PALM2AKAP2: variants seen among roughly 807,000 people sequenced by gnomAD.
PALM2AKAP2 encodes the protein PALM2 and AKAP2 fusion, also known as PALM2-AKAP2 fusion protein.
A neutral mutation model predicts 71.5 loss-of-function variants in PALM2AKAP2; 37 were observed. That is an observed-to-expected ratio of 0.52 (90% CI 0.40 to 0.68). The LOEUF is 0.68. Among genes scored for constraint, PALM2AKAP2 ranks in the 30% least tolerant of loss-of-function variants. The pLI, the probability that PALM2AKAP2 is intolerant of heterozygous loss-of-function variation, is 0.00. For missense variants in PALM2AKAP2, 1,224 were observed against 1,191.8 expected, an observed-to-expected ratio of 1.03 and a Z score of -0.40; for synonymous variants, 468 against 478.8, an observed-to-expected ratio of 0.98 and a Z score of 0.29.
At chr9:110,087,550 T>A (rs1188859949) in intron 1 of PALM2AKAP2, among the ~76,000 whole-genome samples, 8 of 152,192 alleles carry the variant, frequency 5.3e-5, no homozygotes, top group Admixed American at 5.2e-4. Flanking sequence ...CTTCAGTTCC[T>A]TGTCATTTGA....
At chr9:109,705,756 T>A (rs941369681) in intron 1 of PALM2AKAP2, among the ~76,000 whole-genome samples, 1 of 152,210 alleles carries the variant, frequency 6.6e-6, no homozygotes, top group Non-Finnish European at 1.5e-5. Flanking sequence ...GAATCCAGCC[T>A]CTGCCACTTA....
chr9:109,843,603 A>G (rs1039380266), intron 1 of PALM2AKAP2, among the ~76,000 whole-genome samples: 4 of 152,202 alleles, frequency 2.6e-5, no homozygotes, highest in Non-Finnish European at 5.9e-5. Flanking sequence ...CACTCTGCAT[A>G]ATAAATGTGC....
intron 1 of PALM2AKAP2, among the ~76,000 whole-genome samples, chr9:109,684,580 T>C (rs2118527729): frequency 6.6e-6 from 1 of 152,344 alleles, no homozygotes; most frequent in East Asian, 1.9e-4. Flanking sequence ...ACAGCCAATA[T>C]GTTAGTAAAA....
chr9:109,815,313 T>C (rs2131461708), intron 1 of PALM2AKAP2, among the ~76,000 whole-genome samples: 1 of 152,296 alleles, frequency 6.6e-6, no homozygotes, highest in Middle Eastern at 3.4e-3. Flanking sequence ...CATAATACCT[T>C]CGGAATATAC....
chr9:109,711,184 G>A (rs565125957), intron 1 of PALM2AKAP2, among the ~76,000 whole-genome samples: 1 of 152,134 alleles, frequency 6.6e-6, no homozygotes. Context: ...TGGAAAGGTG[G>A]TGGTAGTAGC....
At chr9:109,816,968 A>AT (rs1205191149) in intron 1 of PALM2AKAP2, among the ~76,000 whole-genome samples, 3 of 152,198 alleles carry the variant, frequency 2.0e-5, no homozygotes, top group Non-Finnish European at 4.4e-5. Flanking sequence ...CTCTTCTAAT[A>AT]TTTTTTTAAA....
intron 1 of PALM2AKAP2, among the ~76,000 whole-genome samples, chr9:110,116,414 G>T (rs775545011): frequency 6.6e-6 from 1 of 151,992 alleles, no homozygotes; most frequent in Non-Finnish European, 1.5e-5. Context: ...GTGCGTGTGC[G>T]CGTGCACGCG....
At chr9:109,793,496 T>A (rs2118886182) in intron 1 of PALM2AKAP2, among the ~76,000 whole-genome samples, 1 of 152,368 alleles carries the variant, frequency 6.6e-6, no homozygotes, top group Admixed American at 6.5e-5. Flanking sequence ...CCAGCCTGGA[T>A]ACTTTGGTGG....
intron 3 of PALM2AKAP2, among the ~76,000 whole-genome samples, chr9:109,900,828 A>G (rs1830311679): frequency 1.3e-5 from 2 of 152,208 alleles, no homozygotes; most frequent in African/African-American, 2.4e-5. Context: ...TCTTACCACC[A>G]AAAGACAGTT....
At chr9:109,725,606 T>C (rs544658832) in intron 1 of PALM2AKAP2, among the ~76,000 whole-genome samples, 1 of 152,252 alleles carries the variant, frequency 6.6e-6, no homozygotes, top group Admixed American at 6.5e-5. Flanking sequence ...CATTAAGAGA[T>C]TGGTTAAAGT....
intron 1 of PALM2AKAP2, chr9:109,867,182 GTGTGTGTGTGTGTGTGTGTGTGTC>G (rs1829471463): frequency 2.3e-6 from 1 of 428,850 alleles, no homozygotes; most frequent in African/African-American, 2.1e-5. Flanking sequence ...GTGTGTGTGT[GTGTGTGTGTGTGTGTGTGTGTGTC>G]TGTGTGTGTG....
intron 3 of PALM2AKAP2, among the ~76,000 whole-genome samples, chr9:109,908,591 A>G (rs1308892472): frequency 3.3e-5 from 5 of 152,258 alleles, no homozygotes; most frequent in African/African-American, 1.2e-4. Flanking sequence ...ATTGTCTATT[A>G]CAGTAAATGC....
At chr9:109,925,139 G>A in intron 5 of PALM2AKAP2, 57 bp downstream of exon 5, 4 of 1,610,898 alleles carry the variant, frequency 2.5e-6, no homozygotes, top group Non-Finnish European at 3.4e-6. Context: ...CAGCTTAGGG[G>A]GTTTCATTAA....
chr9:110,134,195 C>T (rs982969503), intron 1 of PALM2AKAP2, among the ~76,000 whole-genome samples: 2 of 151,920 alleles, frequency 1.3e-5, no homozygotes, highest in African/African-American at 4.8e-5. Flanking sequence ...AGGAGGATCC[C>T]ATGAGCTCAG....
At chr9:109,934,846 A>G (rs955350774) in intron 6 of PALM2AKAP2, among the ~76,000 whole-genome samples, 47 of 152,246 alleles carry the variant, frequency 3.1e-4, no homozygotes, top group Non-Finnish European at 8.8e-5. Flanking sequence ...GTTCATACAT[A>G]GAAGGACCTA....
intron 6 of PALM2AKAP2, among the ~76,000 whole-genome samples, chr9:110,001,621 T>C (rs910191844): frequency 2.0e-5 from 3 of 152,174 alleles, no homozygotes; most frequent in African/African-American, 4.8e-5. Flanking sequence ...GCCATTTTCA[T>C]GATATTGATT....
chr9:110,080,404 T>C (rs1834423559), intron 1 of PALM2AKAP2, among the ~76,000 whole-genome samples: 1 of 152,208 alleles, frequency 6.6e-6, no homozygotes, highest in African/African-American at 2.4e-5. Context: ...TCTTTATGCC[T>C]TATGTTATCA....
chr9:110,004,981 C>T (rs566692116), intron 6 of PALM2AKAP2, among the ~76,000 whole-genome samples: 50 of 152,324 alleles, frequency 3.3e-4, no homozygotes, highest in African/African-American at 1.1e-3. Flanking sequence ...CGAATTTCCT[C>T]CTTTAGCTCG....
chr9:110,120,877 G>C (rs575201079), intron 1 of PALM2AKAP2, among the ~76,000 whole-genome samples: 6 of 152,352 alleles, frequency 3.9e-5, no homozygotes, highest in African/African-American at 1.4e-4. Flanking sequence ...GGATGCAGTG[G>C]GGAGGGCGAA....
Sources: gnomAD v4.1 joint callset for allele counts (sites outside exome capture counted in the v4.1 genomes callset) on GRCh38, gnomAD v4.1.1 for gene constraint, MANE v1.5 for transcripts, NCBI Gene and HGNC (gene_info 2026-07-23, HGNC 2026-07-21) for gene names.